Variants in RAP1A observed in about 807,000 individuals in gnomAD.
RAP1A encodes RAP1A, member of RAS oncogene family, also known as ras-related protein Rap-1A.
A neutral mutation model predicts 26.4 loss-of-function variants in RAP1A; 6 were observed. That is an observed-to-expected ratio of 0.23 (90% CI 0.12 to 0.45). The LOEUF (loss-of-function observed/expected upper bound fraction) is 0.45, where lower values mean the gene tolerates loss of function less well. Ranked by LOEUF, RAP1A falls within the 20% of genes least tolerant of loss-of-function variation. RAP1A has a pLI of 0.99. For missense variants in RAP1A, 121 were observed against 217.2 expected (o/e 0.56, Z 2.78); for synonymous variants, 73 against 79.4 (o/e 0.92, Z 0.43).
intron 1 of RAP1A, among the ~76,000 whole-genome samples, chr1:111,600,761 T>C (rs1351265840): frequency 6.6e-6 from 1 of 152,206 alleles, no homozygotes; most frequent in Non-Finnish European, 1.5e-5. Flanking sequence ...GACTCCTTTA[T>C]CCCAAAGTCA....
At chr1:111,709,055 A>T (rs995423522) in intron 6 of RAP1A, 94 bp from the exon 7 acceptor site, 24 of 1,414,734 alleles carry the variant, frequency 1.7e-5, no homozygotes, top group Admixed American at 1.2e-4. Context: ...CAGAATGCAG[A>T]TCTAAGACCA....
chr1:111,673,504 A>T (rs1234603900), intron 1 of RAP1A, among the ~76,000 whole-genome samples: 1 of 152,244 alleles, frequency 6.6e-6, no homozygotes, highest in Non-Finnish European at 1.5e-5. Flanking sequence ...TTATTTTTGT[A>T]AATGTTAGAA....
chr1:111,582,899 T>C (rs1658285883), intron 1 of RAP1A, among the ~76,000 whole-genome samples: 3 of 152,238 alleles, frequency 2.0e-5, no homozygotes, highest in Admixed American at 2.0e-4. Context: ...GGCCAGAGCC[T>C]GGTCTCCCGG....
In RAP1A at chr1:111,712,676, T is replaced by C. The variant is rs1035861600; in HGVS notation, c.*275T>C. ...TGTGAAAATATACTTGACTCTAATATGATTATACAAAAGAGCATGGATGCA... is the reference window on the plus strand; with the variant it reads ...TGTGAAAATATACTTGACTCTAATACGATTATACAAAAGAGCATGGATGCA... On this transcript the variant is annotated 3_prime_UTR_variant, in exon 8 of 8. Transcript: ENST00000369709. The C allele has an allele frequency of 6.6e-6, 1 of 152,548 alleles. No homozygotes were observed. The highest frequency in any genetic ancestry group is 1.5e-5 in the Non-Finnish European group (1 of 67,942). 9.4% of individuals were successfully genotyped at this position (152,548 alleles called of 1,614,324 possible).
intron 1 of RAP1A, among the ~76,000 whole-genome samples, chr1:111,652,252 G>A (rs1029294906): frequency 1.3e-5 from 2 of 152,190 alleles, no homozygotes; most frequent in Non-Finnish European, 2.9e-5. Flanking sequence ...GGGATTATAG[G>A]CCTGACCCAG....
intron 1 of RAP1A, among the ~76,000 whole-genome samples, chr1:111,641,148 G>T (rs952707223): frequency 7.9e-5 from 12 of 152,148 alleles, no homozygotes; most frequent in African/African-American, 2.9e-4. Flanking sequence ...TGCATATATA[G>T]AAATAATTAG....
intron 1 of RAP1A, among the ~76,000 whole-genome samples, chr1:111,661,800 GAAAAA>G (rs11322950): frequency 9.7e-6 from 1 of 102,852 alleles, no homozygotes; most frequent in Non-Finnish European, 2.1e-5. Flanking sequence ...CTCCGTCCCA[GAAAAA>G]AAAAAAAAAA....
intron 1 of RAP1A, among the ~76,000 whole-genome samples, chr1:111,651,003 C>T (rs1345241584): frequency 1.3e-5 from 2 of 152,058 alleles, no homozygotes; most frequent in Non-Finnish European, 2.9e-5. Context: ...GGAGTTTCAC[C>T]ATGTTAGCCA....
chr1:111,711,282 A>G (rs1662378867), intron 7 of RAP1A, among the ~76,000 whole-genome samples: 1 of 152,220 alleles, frequency 6.6e-6, no homozygotes, highest in African/African-American at 2.4e-5. Context: ...TAACTCTGTT[A>G]TAGTTGACTG....
At chr1:111,647,474 G>GA (rs1002038208) in intron 1 of RAP1A, among the ~76,000 whole-genome samples, 27 of 152,280 alleles carry the variant, frequency 1.8e-4, no homozygotes, top group South Asian at 2.1e-4. Context: ...TCCAGTCTGT[G>GA]AAAAAATTGT....
intron 1 of RAP1A, among the ~76,000 whole-genome samples, chr1:111,630,222 T>G (rs1242160094): frequency 6.6e-6 from 1 of 152,228 alleles, no homozygotes; most frequent in African/African-American, 2.4e-5. Context: ...CAAAATGAAG[T>G]GTACTGGTTG....
chr1:111,710,281 CTT>C (rs1310726109), intron 7 of RAP1A, among the ~76,000 whole-genome samples: 3 of 152,128 alleles, frequency 2.0e-5, no homozygotes, highest in South Asian at 2.1e-4. Flanking sequence ...TATTAGTTGA[CTT>C]TACCATTTTA....
chr1:111,593,713 G>A lies in RAP1A; in HGVS notation c.-28+51204G>A, dbSNP rs539889916. Among the ~76,000 whole-genome samples, 3 of 131,316 alleles carry A rather than the reference G, an allele frequency of 2.3e-5. No individual in the cohort carries two copies. The South Asian group carries it at 7.6e-4, about 33-fold the overall frequency. 86.1% of individuals were successfully genotyped at this position (131,316 alleles called of 152,430 possible). A position where few individuals can be genotyped will look rare whatever the true frequency, so the allele number is the denominator to read the frequency against. ...AAGTAAAAAAGGAGTGGAATAGGCA[G>A]AGCCCTTGGAACAAGACAAATGGTC... On this transcript the variant is annotated intron_variant, in intron 1 of 7. Coordinates refer to the RAP1A transcript ENST00000356415.
At chr1:111,664,098 G>GCACGGTGGCT (rs376307871) in intron 1 of RAP1A, among the ~76,000 whole-genome samples, 1,841 of 152,216 alleles carry the variant, frequency 0.012, 38 homozygotes, top group African/African-American at 0.042. Context: ...TATGGGCCAG[G>GCACGGTGGCT]CACGGTGGCT....
chr1:111,638,512 G>A (rs1659791478), intron 1 of RAP1A, among the ~76,000 whole-genome samples: 1 of 152,058 alleles, frequency 6.6e-6, no homozygotes, highest in Non-Finnish European at 1.5e-5. Context: ...CAGGGTCACG[G>A]CTTATCCACT....
At chr1:111,630,010 C>T (rs1246095170) in intron 1 of RAP1A, among the ~76,000 whole-genome samples, 23 of 152,168 alleles carry the variant, frequency 1.5e-4, no homozygotes, top group Admixed American at 1.5e-3. Flanking sequence ...CTGGCATTGC[C>T]ACTATGATGG....
rs187291905 is a variant in RAP1A, at chr1:111,699,276, A to G, written c.183+1779A>G. 1.8e-4 allele frequency among the ~76,000 whole-genome samples: 28 copies of G among 152,302 alleles called. No homozygotes were observed. The East Asian group carries it at 5.2e-3, about 28-fold the overall frequency. ...TCCATATAGAATCTATATGGATATT[A>G]TAAATGATTTACTACCCTGGCTTGG... On this transcript the variant is annotated intron_variant, in intron 4 of 7. Coordinates refer to ENST00000369709, the MANE Select transcript of RAP1A (RefSeq NM_002884.4).
intron 1 of RAP1A, among the ~76,000 whole-genome samples, chr1:111,553,293 T>A (rs1252623335): frequency 6.6e-6 from 1 of 152,228 alleles, no homozygotes; most frequent in East Asian, 1.9e-4. Context: ...AGGCTTGGGA[T>A]TCCTCAGCTC....
At chr1:111,566,819 C>T (rs1020145530) in intron 1 of RAP1A, among the ~76,000 whole-genome samples, 3 of 150,400 alleles carry the variant, frequency 2.0e-5, no homozygotes, top group African/African-American at 7.3e-5. Flanking sequence ...AACCCAGGGG[C>T]GTGCCCAGGT....
Sources: gnomAD v4.1 joint callset for allele counts (sites outside exome capture counted in the v4.1 genomes callset) on GRCh38, gnomAD v4.1.1 for gene constraint, MANE v1.5 for transcripts, NCBI Gene and HGNC (gene_info 2026-07-23, HGNC 2026-07-21) for gene names.